The following METTL15 variants were observed in gnomAD, a reference collection of about 807,000 sequenced individuals.
The protein encoded by METTL15 is 12S rRNA N(4)-cytidine methyltransferase METTL15.
In METTL15, 34 loss-of-function variants were observed where a neutral mutation model predicts 38.3. The ratio of observed to expected loss-of-function variants is 0.89; its 90% CI spans 0.68 to 1.18. The LOEUF (loss-of-function observed/expected upper bound fraction) is 1.18. Among genes scored for constraint, METTL15 ranks in the 50% most tolerant of loss-of-function variants. The pLI, the probability that METTL15 is intolerant of heterozygous loss-of-function variation, is 0.00. For missense variants in METTL15, 438 were observed against 498.4 expected (o/e 0.88, Z 1.15); for synonymous variants, 162 against 170.9 (o/e 0.95, Z 0.41).
At chr11:28,386,349 A>T (rs1399665052) in intron 5 of METTL15, among the ~76,000 whole-genome samples, 2 of 152,028 alleles carry the variant, frequency 1.3e-5, no homozygotes, top group Non-Finnish European at 2.9e-5. Flanking sequence ...TCTACAAGAG[A>T]TTCACTATAA....
chr11:28,346,548 T>G (rs1468459886), intron 3 of METTL15, among the ~76,000 whole-genome samples: 1 of 152,190 alleles, frequency 6.6e-6, no homozygotes, highest in Admixed American at 6.5e-5. Flanking sequence ...TTAGAAAATT[T>G]GTAATTAAGA....
chr11:28,286,687 T>G (rs1299255055), intron 4 of METTL15, among the ~76,000 whole-genome samples: 11 of 152,098 alleles, frequency 7.2e-5, no homozygotes, highest in Non-Finnish European at 1.6e-4. Context: ...AGCTGAGGAC[T>G]GTGGTGTAAG....
chr11:28,348,680 TTATGTATGTATGTATGTATG>T (rs55889001), intron 3 of METTL15, among the ~76,000 whole-genome samples: 2,413 of 145,990 alleles, frequency 0.017, 23 homozygotes, highest in Middle Eastern at 0.028. Context: ...GTCTATCCAT[TTATGTATGTATGTATGTATG>T]TATGTATGTA....
At chr11:28,310,961 GGT>G (rs1857272221) in intron 6 of METTL15, among the ~76,000 whole-genome samples, 1 of 99,390 alleles carries the variant, frequency 1.0e-5, no homozygotes, top group African/African-American at 4.5e-5. Flanking sequence ...TGGTGGTGGT[GGT>G]GGGTGTGTGT....
At chr11:28,466,563 A>G (rs952601933) in intron 6 of METTL15, among the ~76,000 whole-genome samples, 1 of 152,168 alleles carries the variant, frequency 6.6e-6, no homozygotes, top group Non-Finnish European at 1.5e-5. Context: ...GCTTGTCTCC[A>G]GTAACTATGT....
intron 4 of METTL15, among the ~76,000 whole-genome samples, chr11:28,244,186 T>C (rs1854419431): frequency 6.6e-6 from 1 of 152,218 alleles, no homozygotes. Flanking sequence ...GGTTTCATCT[T>C]GATGTTAGGC....
chr11:28,347,942 C>T (rs1850009686), intron 3 of METTL15, among the ~76,000 whole-genome samples: 1 of 152,208 alleles, frequency 6.6e-6, no homozygotes, highest in South Asian at 2.1e-4. Flanking sequence ...TTCAACATAT[C>T]CATCAACTTG....
At chr11:28,212,315 C>T (rs558876533) in intron 4 of METTL15, among the ~76,000 whole-genome samples, 7 of 152,184 alleles carry the variant, frequency 4.6e-5, no homozygotes, top group South Asian at 4.1e-4. Context: ...AATATGAAGA[C>T]GTGATTTAAT....
At chr11:28,456,590 G>A (rs764728550) in intron 6 of METTL15, among the ~76,000 whole-genome samples, 2 of 151,850 alleles carry the variant, frequency 1.3e-5, no homozygotes, top group Non-Finnish European at 1.5e-5. Flanking sequence ...ACAGGTGCAC[G>A]CCACCATGCC....
intron 4 of METTL15, among the ~76,000 whole-genome samples, chr11:28,281,840 A>G (rs943283960): frequency 6.6e-6 from 1 of 152,204 alleles, no homozygotes; most frequent in Non-Finnish European, 1.5e-5. Context: ...GGGACTGCCT[A>G]TTACATATTA....
intron 5 of METTL15, among the ~76,000 whole-genome samples, chr11:28,387,797 C>G (rs1430284665): frequency 6.6e-6 from 1 of 152,008 alleles, no homozygotes; most frequent in Non-Finnish European, 1.5e-5. Context: ...ATTTCCTTAA[C>G]AAAATACTAG....
chr11:28,402,272 C>T (rs1172505681), intron 5 of METTL15, among the ~76,000 whole-genome samples: 1 of 151,980 alleles, frequency 6.6e-6, no homozygotes, highest in Admixed American at 6.6e-5. Flanking sequence ...AGTGCCTTTA[C>T]TTTCCTTAGC....
intron 3 of METTL15, among the ~76,000 whole-genome samples, chr11:28,120,737 T>C (rs1407150518): frequency 3.3e-5 from 5 of 152,202 alleles, no homozygotes; most frequent in African/African-American, 1.2e-4. Flanking sequence ...CTTTTCCCTG[T>C]GACTTGTTGG....
At chr11:28,275,283 G>A (rs1417744528) in intron 4 of METTL15, among the ~76,000 whole-genome samples, 2 of 151,590 alleles carry the variant, frequency 1.3e-5, no homozygotes, top group Admixed American at 1.3e-4. Flanking sequence ...AGACATTACA[G>A]CTTATAACAC....
intron 4 of METTL15, among the ~76,000 whole-genome samples, chr11:28,266,854 CTG>C (rs1014634276): frequency 1.3e-5 from 2 of 152,094 alleles, no homozygotes; most frequent in African/African-American, 4.8e-5. Flanking sequence ...GTAGTGGTAA[CTG>C]TTTTACAAAG....
chr11:28,242,086 A>G (rs1854324338), intron 4 of METTL15, among the ~76,000 whole-genome samples: 1 of 152,208 alleles, frequency 6.6e-6, no homozygotes, highest in African/African-American at 2.4e-5. Flanking sequence ...AATATAAATA[A>G]AAGTCTCTGT....
intron 5 of METTL15, among the ~76,000 whole-genome samples, chr11:28,414,319 AAG>A (rs1412844839): frequency 9.9e-5 from 15 of 152,124 alleles, no homozygotes; most frequent in Admixed American, 9.2e-4. Context: ...AACAAGCAGA[AAG>A]AGAAATACCC....
chr11:28,173,144 T>TA (rs1236165670), intron 3 of METTL15, among the ~76,000 whole-genome samples: 1 of 152,044 alleles, frequency 6.6e-6, no homozygotes, highest in Admixed American at 6.6e-5. Context: ...GTTCAAGAAT[T>TA]AAAAAAAACT....
chr11:28,122,665 A>G (rs1220752597), intron 3 of METTL15, among the ~76,000 whole-genome samples: 5 of 151,608 alleles, frequency 3.3e-5, no homozygotes, highest in Non-Finnish European at 5.9e-5. Context: ...TATTGAATGT[A>G]TAACTTTTTT....
Sources: gnomAD v4.1 joint callset for allele counts (sites outside exome capture counted in the v4.1 genomes callset) on GRCh38, gnomAD v4.1.1 for gene constraint, MANE v1.5 for transcripts, NCBI Gene and HGNC (gene_info 2026-07-23, HGNC 2026-07-21) for gene names.